The following IFT43 variants were observed in gnomAD, a reference collection of about 807,000 sequenced individuals.
IFT43 encodes intraflagellar transport protein 43 homolog.
A neutral mutation model predicts 32.3 loss-of-function variants in IFT43; 33 were observed. The observed-to-expected ratio is 1.02, with a 90% CI of 0.77 to 1.37. The LOEUF (loss-of-function observed/expected upper bound fraction) is 1.37, where lower values mean the gene tolerates loss of function less well. Among genes scored for constraint, IFT43 ranks in the 40% most tolerant of loss-of-function variants. IFT43 has a pLI of 0.00. For missense variants in IFT43, 274 were observed against 265.9 expected, an observed-to-expected ratio of 1.03 and a Z score of -0.21; for synonymous variants, 93 against 98.2, an observed-to-expected ratio of 0.95 and a Z score of 0.31.
chr14:76,065,655 A>C (rs1046610756), intron 5 of IFT43, among the ~76,000 whole-genome samples: 1 of 152,056 alleles, frequency 6.6e-6, no homozygotes, highest in African/African-American at 2.4e-5. Flanking sequence ...TTTGAGATTC[A>C]TCTAAGCTGT....
intron 5 of IFT43, among the ~76,000 whole-genome samples, chr14:76,080,387 C>T (rs902551291): frequency 2.0e-5 from 3 of 152,002 alleles, no homozygotes; most frequent in South Asian, 4.1e-4. Context: ...GGGTTGGGGA[C>T]GAAGAGGGAA....
At chr14:76,013,378 C>T (rs1406713836) in intron 2 of IFT43, among the ~76,000 whole-genome samples, 4 of 152,152 alleles carry the variant, frequency 2.6e-5, no homozygotes, top group Admixed American at 6.5e-5. Flanking sequence ...TGAGGGCGTT[C>T]GCACCCCCAT....
At chr14:76,076,349 A>G (rs1391919418) in intron 5 of IFT43, among the ~76,000 whole-genome samples, 1 of 152,242 alleles carries the variant, frequency 6.6e-6, no homozygotes, top group East Asian at 1.9e-4. Context: ...CCTTCTGAAC[A>G]TGACCAGGGA....
At chr14:76,036,768 C>T (rs370007165) in intron 3 of IFT43, among the ~76,000 whole-genome samples, 29 of 151,686 alleles carry the variant, frequency 1.9e-4, no homozygotes, top group African/African-American at 6.8e-4. Flanking sequence ...CTATGTTTTC[C>T]CAATGCCATT....
chr14:76,013,367 G>T (rs2036121981), intron 2 of IFT43, among the ~76,000 whole-genome samples: 1 of 152,196 alleles, frequency 6.6e-6, no homozygotes, highest in Non-Finnish European at 1.5e-5. Context: ...AGTTGAGCTG[G>T]TGAGGGCGTT....
intron 2 of IFT43, among the ~76,000 whole-genome samples, chr14:76,012,439 GCT>G (rs1266763276): frequency 1.3e-5 from 2 of 152,116 alleles, no homozygotes; most frequent in African/African-American, 4.8e-5. Context: ...TGAAATTCCC[GCT>G]CTCTGCCTCT....
At chr14:76,046,413 G>A (rs922620709) in intron 3 of IFT43, among the ~76,000 whole-genome samples, 1 of 152,106 alleles carries the variant, frequency 6.6e-6, no homozygotes, top group Non-Finnish European at 1.5e-5. Flanking sequence ...TTCAGCAAGG[G>A]AGGCAGCAAT....
At position 76,058,625 on chromosome 14, in the gene IFT43, T is replaced by G. The variant is rs200781561; in HGVS notation, c.216-17T>G. On this transcript the variant is annotated splice_polypyrimidine_tract_variant and intron_variant, in intron 3 of 8. Coordinates refer to ENST00000314067, the MANE Select transcript of IFT43 (RefSeq NM_001102564.3). ...AGTGGGCTCTCAAAAACCTTGTCTT[T>G]TCTTTTTTTTTTTCAGGTTTAGGAG... The G allele has an allele frequency of 1.9e-3, 2,986 of 1,591,270 alleles. 29 individuals carry two copies. The African/African-American group carries it at 0.035, about 18-fold the overall frequency.
intron 5 of IFT43, among the ~76,000 whole-genome samples, chr14:76,081,375 CT>C (rs1566739698): frequency 6.6e-6 from 1 of 152,188 alleles, no homozygotes; most frequent in African/African-American, 2.4e-5. Flanking sequence ...CCCACCAGGC[CT>C]TTTTTCTTGC....
rs766466643 is a variant in IFT43 at position 76,082,287 on chromosome 14, C to T, written c.296-8C>T. The stretch of plus-strand genomic sequence containing the variant: ...TGCAGACAGTGTTGCCTCTGCCTCT[C>T]CTTGCAGATATTCCTATCATTCCGG... On this transcript the variant is annotated splice_polypyrimidine_tract_variant and splice_region_variant and intron_variant, in intron 5 of 8. Coordinates refer to ENST00000314067, the MANE Select transcript of IFT43 (RefSeq NM_001102564.3). The T allele has an allele frequency of 1.9e-6, 3 of 1,613,518 alleles. No homozygotes were observed.
At chr14:76,002,588 T>C (rs551259864) in intron 2 of IFT43, among the ~76,000 whole-genome samples, 40 of 152,326 alleles carry the variant, frequency 2.6e-4, no homozygotes, top group Middle Eastern at 3.4e-3. Flanking sequence ...GAACTGTTCA[T>C]GTGAACACTA....
At chr14:76,062,917 C>CAAAAAAAAAAAAAAAAAAAAAAAA (rs746158153) in intron 5 of IFT43, among the ~76,000 whole-genome samples, 6 of 72,474 alleles carry the variant, frequency 8.3e-5, no homozygotes, top group African/African-American at 2.4e-4. Flanking sequence ...GATCCCATCT[C>CAAAAAAAAAAAAAAAAAAAAAAAA]AAAAAAAAAA....
chr14:76,082,801 G>A, intron 7 of IFT43, 109 bp downstream of exon 7: 1 of 845,582 alleles, frequency 1.2e-6, no homozygotes, highest in South Asian at 1.3e-5. Flanking sequence ...CCAGTCCCCT[G>A]AGGCTGCCTG....
intron 1 of IFT43, among the ~76,000 whole-genome samples, chr14:75,986,837 CTGA>C (rs2035539754): frequency 6.6e-6 from 1 of 151,818 alleles, no homozygotes; most frequent in African/African-American, 2.4e-5. Flanking sequence ...ACCAGGCCTG[CTGA>C]TACGTGAATG....
intron 3 of IFT43, among the ~76,000 whole-genome samples, chr14:76,023,013 A>G (rs1410720064): frequency 1.3e-5 from 2 of 152,316 alleles, no homozygotes; most frequent in African/African-American, 4.8e-5. Flanking sequence ...TACCATAACC[A>G]TCTGACATTA....
At chr14:75,994,596 C>T (rs539329939) in intron 2 of IFT43, among the ~76,000 whole-genome samples, 5 of 152,288 alleles carry the variant, frequency 3.3e-5, no homozygotes, top group African/African-American at 1.2e-4. Context: ...ACTAAGAAAG[C>T]TTATGACTAC....
chr14:75,999,256 TATATATATATATATATGTATATATA>T (rs1224430768), intron 2 of IFT43, among the ~76,000 whole-genome samples: 149 of 12,128 alleles, frequency 0.012, 9 homozygotes, highest in African/African-American at 0.042. Flanking sequence ...TATATATATA[TATATATATATATATATGTATATATA>T]TTTTTTTTTT....
Position 76,014,222 on chromosome 14 carries a change from A to G in IFT43, c.148-8105A>G, listed in dbSNP as rs192842999. On this transcript the variant is annotated intron_variant, in intron 2 of 8. Transcript: ENST00000314067. Reference sequence around the variant, plus strand: ...ATTCAGGACTCTGTGGAAAATTGACATGTGCTACCACCTGGCATTCGCTTG... The same window carrying G: ...ATTCAGGACTCTGTGGAAAATTGACGTGTGCTACCACCTGGCATTCGCTTG... 165 of 190,926 alleles carry G rather than the reference A, an allele frequency of 8.6e-4. 1 individual carries two copies. Among genetic ancestry groups the G allele is most frequent in the African/African-American group, 3.7e-3 (160 of 42,986 alleles). The allele number at this position is 190,926 out of a possible 1,614,324, so 11.8% of individuals were successfully genotyped here. A position where few individuals can be genotyped will look rare whatever the true frequency, so the allele number is the denominator to read the frequency against.
At chr14:76,046,818 A>G (rs147709284) in intron 3 of IFT43, among the ~76,000 whole-genome samples, 2 of 152,360 alleles carry the variant, frequency 1.3e-5, no homozygotes, top group African/African-American at 4.8e-5. Flanking sequence ...GCCAGAACCT[A>G]TGAAACTTTG....
Sources: gnomAD v4.1 joint callset for allele counts (sites outside exome capture counted in the v4.1 genomes callset) on GRCh38, gnomAD v4.1.1 for gene constraint, MANE v1.5 for transcripts, NCBI Gene and HGNC (gene_info 2026-07-23, HGNC 2026-07-21) for gene names.